Variants in EIF3I observed in about 807,000 individuals in gnomAD.
EIF3I encodes the protein eukaryotic translation initiation factor 3 subunit I.
A neutral mutation model predicts 43.3 loss-of-function variants in EIF3I; 20 were observed. The ratio of observed to expected loss-of-function variants is 0.46; its 90% CI spans 0.32 to 0.67. EIF3I has a LOEUF of 0.67. EIF3I is among the 30% of genes least tolerant of loss of function. The pLI is 0.03. For synonymous variants in EIF3I, 167 were observed against 151.7 expected, an observed-to-expected ratio of 1.10 and a Z score of -0.74; for missense variants, 279 against 421.4, an observed-to-expected ratio of 0.66 and a Z score of 2.96.
chr1:32,228,604 G>C, exon 7 of EIF3I: 1 of 1,614,130 alleles, frequency 6.2e-7, no homozygotes, highest in Non-Finnish European at 8.5e-7. Flanking sequence ...GGACAACACA[G>C]CCAAGGTGAG....
chr1:32,222,501 A>G, intron 1 of EIF3I, 37 bp from the exon 2 acceptor site: 1 of 1,613,614 alleles, frequency 6.2e-7, no homozygotes, highest in East Asian at 2.2e-5. Context: ...GCTGGGGCCC[A>G]ATTCCGAGCA....
chr1:32,228,774 A>G (rs1557555980), exon 8 of EIF3I: 3 of 1,614,032 alleles, frequency 1.9e-6, no homozygotes, highest in Non-Finnish European at 2.5e-6. Context: ...TCCGGACAGA[A>G]CGTCCTGTCA....
At chr1:32,222,813 T>C (rs1209628449) in intron 2 of EIF3I, among the ~76,000 whole-genome samples, 183 bp downstream of exon 2, 1 of 152,154 alleles carries the variant, frequency 6.6e-6, no homozygotes, top group Admixed American at 6.5e-5. Context: ...AAGAACTCTA[T>C]TGGCCGAGTG....
chr1:32,229,183 A>G, exon 9 of EIF3I: 1 of 1,614,206 alleles, frequency 6.2e-7, no homozygotes, highest in Non-Finnish European at 8.5e-7. Flanking sequence ...CACAACCTCC[A>G]CCAGGATTGG....
chr1:32,222,713 C>A (rs940507767), intron 2 of EIF3I, 83 bp downstream of exon 2: 18 of 1,409,080 alleles, frequency 1.3e-5, no homozygotes, highest in Non-Finnish European at 1.7e-5. Context: ...TTGCCGTTAG[C>A]GGGGAACCAA....
chr1:32,227,403 G>A (rs1023184588), intron 6 of EIF3I, among the ~76,000 whole-genome samples: 1 of 151,748 alleles, frequency 6.6e-6, no homozygotes, highest in Non-Finnish European at 1.5e-5. Context: ...CTCTGACCCT[G>A]TTTATCTGTA....
chr1:32,226,480 T>C lies in EIF3I; in HGVS notation c.478T>C (p.Cys160Arg). 1.3e-6 allele frequency: 2 copies of C among 1,593,882 alleles called. No homozygotes were observed. Among genetic ancestry groups the C allele is most frequent in the Non-Finnish European group, 1.7e-6 (2 of 1,171,170 alleles). ...TGCTGTTTGGGGACCCCTGGGGGAG[T>C]GCATCATCGCTGGCCATGAGAGTGG... The change falls in exon 6 of 12, where the codon TGC (cysteine) becomes CGC (arginine). Residue 160 changes from cysteine to arginine, a missense_variant. Coordinates refer to ENST00000676679, the Ensembl canonical transcript of EIF3I.
rs1639027305 is a variant in EIF3I at position 32,222,464 on chromosome 1, G to A, written c.3+20G>A. 6 of 1,609,656 alleles carry A rather than the reference G, an allele frequency of 3.7e-6. No individual in the cohort carries two copies. The highest frequency in any genetic ancestry group is 3.3e-5 in the South Asian group (3 of 90,876). Reference sequence around the variant, plus strand: ...GGGATGGTGAGTTTCAGAGTTAGGGGTATTGCAGTGGGGGTCCTGGGCTGA... The same window carrying A: ...GGGATGGTGAGTTTCAGAGTTAGGGATATTGCAGTGGGGGTCCTGGGCTGA... On this transcript the variant is annotated intron_variant, in intron 1 of 11. Coordinates refer to ENST00000676679, the Ensembl canonical transcript of EIF3I.
intron 6 of EIF3I, among the ~76,000 whole-genome samples, chr1:32,227,355 C>G (rs1383094755): frequency 6.6e-6 from 1 of 150,676 alleles, no homozygotes. Flanking sequence ...GATTTCACCA[C>G]TTTCTAGCTG....
chr1:32,226,027 GA>G (rs922213141), intron 4 of EIF3I, 143 bp from the exon 5 acceptor site: 15,818 of 894,238 alleles, frequency 0.018, 53 homozygotes, highest in African/African-American at 0.059. Context: ...TCTCAAAAAA[GA>G]AAAAAAAAAA....
rs765817885 is a variant in EIF3I at position 32,222,656 on chromosome 1, G to T, written c.96+26G>T. ...GTGAGTGTTGGCTGGAGGGGGTCCG[G>T]GAGGGGCGGGATCCTTCTGCCAGGA... On this transcript the variant is annotated intron_variant, in intron 2 of 11. Transcript: ENST00000676679. 1.9e-6 allele frequency: 3 copies of T among 1,607,922 alleles called. No individual in the cohort carries two copies. The South Asian group carries it at 3.3e-5, about 18-fold the overall frequency.
At chr1:32,224,578 T>C in intron 4 of EIF3I, 103 bp downstream of exon 4, 1 of 827,720 alleles carries the variant, frequency 1.2e-6, no homozygotes. Context: ...CCATAGATAG[T>C]TTCCAGTCTA....
chr1:32,234,944 G>A (rs543315423), downstream of EIF3I: 16 of 152,826 alleles, frequency 1.0e-4, no homozygotes, highest in Admixed American at 9.2e-4. Context: ...ATGTCAATGG[G>A]GCCTTACCTC....
At chr1:32,228,008 C>T (rs1338298815) in intron 6 of EIF3I, among the ~76,000 whole-genome samples, 2 of 152,034 alleles carry the variant, frequency 1.3e-5, no homozygotes, top group East Asian at 1.9e-4. Flanking sequence ...AGGGAGGTGG[C>T]GTGTACATTA....
At chr1:32,222,695 C>G in intron 2 of EIF3I, 65 bp downstream of exon 2, 1 of 1,526,956 alleles carries the variant, frequency 6.5e-7, no homozygotes, top group Non-Finnish European at 9.1e-7. Flanking sequence ...TGGGTGGACA[C>G]GCCAGTTTTG....
At chr1:32,224,145 C>G in intron 3 of EIF3I, 24 bp downstream of exon 3, 4 of 1,611,902 alleles carry the variant, frequency 2.5e-6, no homozygotes, top group Non-Finnish European at 2.5e-6. Context: ...GGGTCTGAGT[C>G]CGTGTTGCTA....
At position 32,226,398 on chromosome 1, in the gene EIF3I, C is replaced by T; in HGVS notation, c.401-5C>T. On this transcript the variant is annotated splice_region_variant and splice_polypyrimidine_tract_variant and intron_variant, in intron 5 of 11. Coordinates refer to ENST00000676679, the Ensembl canonical transcript of EIF3I. ...CCAGGGCCTAACATCTACTGCCCCA[C>T]ACAGACAACAATGAGCCCTACATGA... is the stretch of plus-strand genomic sequence containing the variant. 1 of 1,608,200 alleles carries T rather than the reference C, an allele frequency of 6.2e-7. No individual in the cohort carries two copies. The highest frequency in any genetic ancestry group is 8.5e-7 in the Non-Finnish European group (1 of 1,177,370).
At chr1:32,222,550 C>T (rs1639032349) in exon 2 of EIF3I, 1 of 1,614,210 alleles carries the variant, frequency 6.2e-7, no homozygotes, top group Admixed American at 1.7e-5. Context: ...GCCGATCCTA[C>T]TGCAGGGCCA....
exon 6 of EIF3I, chr1:32,226,506 A>G (rs765426821): frequency 6.3e-7 from 1 of 1,578,262 alleles, no homozygotes; most frequent in Non-Finnish European, 8.6e-7. Context: ...ATGAGAGTGG[A>G]GAGCTCAACC....
Sources: allele counts gnomAD v4.1 joint callset (sites outside exome capture counted in the v4.1 genomes callset), GRCh38; gene constraint gnomAD v4.1.1; transcripts MANE v1.5; gene names NCBI Gene and HGNC (gene_info 2026-07-23, HGNC 2026-07-21).